Variants in TMEM223 observed in about 807,000 individuals in gnomAD.
The protein encoded by TMEM223 is transmembrane protein 223.
A neutral mutation model predicts 14.1 loss-of-function variants in TMEM223; 14 were observed. That is an observed-to-expected ratio of 0.99 (90% CI 0.66 to 1.55). TMEM223 has a LOEUF of 1.55. TMEM223 is among the 40% of genes most tolerant of loss of function. The pLI is 0.00. For missense variants in TMEM223, 346 were observed against 269.9 expected, an observed-to-expected ratio of 1.28 and a Z score of -1.97; for synonymous variants, 145 against 120.5, an observed-to-expected ratio of 1.20 and a Z score of -1.33.
chr11:62,786,286 C>T (rs1211726726), downstream of TMEM223: 1 of 1,614,124 alleles, frequency 6.2e-7, no homozygotes, highest in Admixed American at 1.7e-5. Context: ...TGTACCCACA[C>T]CTGTCCACCT....
chr11:62,775,635 C>T (rs1033939089), intron 1 of TMEM223: 20 of 903,178 alleles, frequency 2.2e-5, no homozygotes, highest in Non-Finnish European at 3.3e-5. Context: ...TCACTTTCCT[C>T]ATCTGGGTAC....
At chr11:62,775,806 G>A (rs1206668065) in intron 1 of TMEM223, 32 of 1,611,188 alleles carry the variant, frequency 2.0e-5, no homozygotes, top group Non-Finnish European at 2.3e-5. Context: ...GAAGAGCGGC[G>A]GTTTGTGGAG....
chr11:62,787,752 T>A, downstream of TMEM223: 1 of 686,424 alleles, frequency 1.5e-6, no homozygotes, highest in Non-Finnish European at 2.6e-6. Context: ...AAGGGACGGG[T>A]CAGTAGCGTC....
rs754205351 is a variant in TMEM223 at position 62,775,803 on chromosome 11, G to A, written c.315-1138C>T. The A allele has an allele frequency of 6.8e-6, 11 of 1,610,448 alleles. No individual in the cohort carries two copies. The highest frequency in any genetic ancestry group is 1.7e-5 in the Admixed American group (1 of 59,920). ...GGGGCCATGTCAGAGCGAGAAGAGC[G>A]GCGGTTTGTGGAGATCCCTCGGGAG... On this transcript the variant is annotated intron_variant, in intron 1 of 2. Coordinates refer to the TMEM223 transcript ENST00000528367.
At chr11:62,782,510 A>T, downstream of TMEM223, 1 of 1,057,090 alleles carries the variant, frequency 9.5e-7, no homozygotes, top group Non-Finnish European at 1.4e-6. Context: ...TGGATTACAA[A>T]TACGCCAAGG....
intron 1 of TMEM223, chr11:62,775,911 G>A (rs763543408): frequency 6.8e-6 from 11 of 1,611,974 alleles, no homozygotes; most frequent in South Asian, 2.2e-5. Flanking sequence ...GTGTGCTATC[G>A]TCTGAGAGAG....
At position 62,790,695 on chromosome 11, in the gene TMEM223, GAGGAAAT is replaced by G; in HGVS notation, c.530_536del (p.Tyr177SerfsTer41). The stretch of plus-strand genomic sequence containing the variant: ...TAGGGAAGTGTCCAGTTTTGTCCAA[GAGGAAAT>G]AGAAGCGTCGGCCTTTGACTTTCAG... On this transcript the variant is annotated frameshift_variant, in exon 2 of 2. Coordinates refer to ENST00000307366, the MANE Select transcript of TMEM223 (RefSeq NM_001080501.3). LOFTEE classifies it high-confidence loss of function. 1.9e-6 allele frequency: 3 copies of G among 1,612,268 alleles called. No individual in the cohort carries two copies. Among genetic ancestry groups the G allele is most frequent in the Non-Finnish European group, 2.5e-6 (3 of 1,179,086 alleles).
chr11:62,787,312 G>A (rs545500275), downstream of TMEM223: 13 of 1,528,852 alleles, frequency 8.5e-6, no homozygotes, highest in South Asian at 1.1e-4. Flanking sequence ...TGGCCCCTTC[G>A]TTCCTTGTAA....
chr11:62,788,173 C>T (rs2084311081), downstream of TMEM223, among the ~76,000 whole-genome samples: 1 of 152,202 alleles, frequency 6.6e-6, no homozygotes, highest in Admixed American at 6.5e-5. Flanking sequence ...GAGGCTGAGG[C>T]AGGCGGATCA....
intron 1 of TMEM223, among the ~76,000 whole-genome samples, chr11:62,779,974 A>AT (rs1432226168): frequency 6.3e-4 from 47 of 74,922 alleles, no homozygotes; most frequent in Non-Finnish European, 5.1e-4. Context: ...ATATATATAT[A>AT]TATTTTTTTT....
At chr11:62,773,925 T>TAAC (rs2084167541) in intron 2 of TMEM223, among the ~76,000 whole-genome samples, 2 of 151,968 alleles carry the variant, frequency 1.3e-5, no homozygotes, top group African/African-American at 4.8e-5. Flanking sequence ...GAAGCAGTGT[T>TAAC]CAAAGGTCCT....
chr11:62,779,095 A>G (rs903037353), intron 1 of TMEM223: 23 of 692,180 alleles, frequency 3.3e-5, no homozygotes, highest in Admixed American at 1.3e-4. Context: ...ATCTCAGCTC[A>G]CCGCACCCTC....
chr11:62,791,263 A>T (rs993492276), intron 1 of TMEM223, among the ~76,000 whole-genome samples: 7 of 147,276 alleles, frequency 4.8e-5, no homozygotes, highest in Admixed American at 1.4e-4. Context: ...CTGTTTCCCA[A>T]TTTTTTTTTT....
chr11:62,775,794 G>T (rs1295522802), intron 1 of TMEM223: 1 of 1,609,264 alleles, frequency 6.2e-7, no homozygotes, highest in Non-Finnish European at 8.5e-7. Flanking sequence ...ATGTCAGAGC[G>T]AGAAGAGCGG....
downstream of TMEM223, chr11:62,786,555 A>C (rs1469313198): frequency 3.2e-6 from 5 of 1,557,568 alleles, no homozygotes; most frequent in Non-Finnish European, 4.3e-6. Context: ...AGGCCCAGGC[A>C]GCAGAGCCCA....
intron 1 of TMEM223, among the ~76,000 whole-genome samples, chr11:62,779,945 C>T (rs1392809130): frequency 1.6e-5 from 2 of 125,056 alleles, no homozygotes; most frequent in African/African-American, 3.0e-5. Flanking sequence ...GGATTACAGG[C>T]GTGAGCCTAT....
downstream of TMEM223, among the ~76,000 whole-genome samples, chr11:62,785,000 C>T (rs977360721): frequency 2.0e-5 from 3 of 151,944 alleles, no homozygotes; most frequent in African/African-American, 4.8e-5. Flanking sequence ...TTTAGATCAT[C>T]TTTTTCTTTT....
chr11:62,774,820 G>A (rs1402328466), intron 1 of TMEM223, among the ~76,000 whole-genome samples: 1 of 151,144 alleles, frequency 6.6e-6, no homozygotes, highest in Non-Finnish European at 1.5e-5. Flanking sequence ...GTGGTGGCAC[G>A]TGCCTGTAAT....
downstream of TMEM223, chr11:62,787,408 G>T: frequency 6.4e-7 from 1 of 1,556,018 alleles, no homozygotes; most frequent in Non-Finnish European, 8.6e-7. Context: ...TGCTGCAGCG[G>T]CGCTTCCTGG....
Sources: allele counts gnomAD v4.1 joint callset (sites outside exome capture counted in the v4.1 genomes callset), GRCh38; gene constraint gnomAD v4.1.1; transcripts MANE v1.5; gene names NCBI Gene and HGNC (gene_info 2026-07-23, HGNC 2026-07-21).